TATDN3: variants seen among roughly 807,000 people sequenced by gnomAD.
The protein encoded by TATDN3 is deoxyribonuclease TATDN3.
TATDN3 carries 29 observed loss-of-function variants against 40.1 expected under a neutral mutation model. That is an observed-to-expected ratio of 0.72 (90% CI 0.54 to 0.99). The LOEUF (loss-of-function observed/expected upper bound fraction) is 0.99. Among genes scored for constraint, TATDN3 ranks in the 50% least tolerant of loss-of-function variants. The pLI, the probability that TATDN3 is intolerant of heterozygous loss-of-function variation, is 0.00. For synonymous variants in TATDN3, 105 were observed against 117.0 expected, an observed-to-expected ratio of 0.90 and a Z score of 0.66; for missense variants, 309 against 321.9, an observed-to-expected ratio of 0.96 and a Z score of 0.31.
intron 5 of TATDN3, 103 bp downstream of exon 5, chr1:212,802,866 A>G: frequency 1.3e-6 from 1 of 764,918 alleles, no homozygotes; most frequent in Non-Finnish European, 2.2e-6. Flanking sequence ...TGACTTGTAT[A>G]ATTATGTTCA....
Position 212,815,528 on chromosome 1 carries a change from C to CTTT in TATDN3, c.*384_*386dup. The CTTT allele has an allele frequency of 6.8e-6, 1 of 147,122 alleles. No individual in the cohort carries two copies. Among genetic ancestry groups the CTTT allele is most frequent in the Non-Finnish European group, 1.5e-5 (1 of 67,130 alleles). 9.1% of individuals were successfully genotyped at this position (147,122 alleles called of 1,614,324 possible). On this transcript the variant is annotated 3_prime_UTR_variant, in exon 10 of 10. Transcript: ENST00000366974. Reference sequence around the variant, plus strand: ...TGAGGATGGAGTAAGCTAAAGTATACTTTTTTTTTTTTTTGATGGAGTTTC... The same window carrying CTTT: ...TGAGGATGGAGTAAGCTAAAGTATACTTTTTTTTTTTTTTTTTGATGGAGTTTC...
chr1:212,811,290 G>A (rs12122225), intron 8 of TATDN3, among the ~76,000 whole-genome samples: 162 of 151,948 alleles, frequency 1.1e-3, no homozygotes, highest in African/African-American at 3.7e-3. Context: ...CCACCACTAC[G>A]CCCGGCTAAT....
At chr1:212,802,529 A>G (rs570836353) in intron 4 of TATDN3, among the ~76,000 whole-genome samples, 172 bp from the exon 5 acceptor site, 52 of 152,338 alleles carry the variant, frequency 3.4e-4, no homozygotes, top group African/African-American at 1.1e-3. Context: ...TCAAACTTAC[A>G]GGTAGAGGTA....
At chr1:212,794,306 T>C (rs1283831355) in intron 1 of TATDN3, among the ~76,000 whole-genome samples, 2 of 146,696 alleles carry the variant, frequency 1.4e-5, no homozygotes, top group Non-Finnish European at 3.0e-5. Flanking sequence ...AATTGGGGAC[T>C]CAGGCTGGGT....
chr1:212,795,092 T>C lies in TATDN3; in HGVS notation c.67-3T>C, dbSNP rs377059640. 250 of 1,611,304 alleles carry C rather than the reference T, an allele frequency of 1.6e-4. No individual in the cohort carries two copies. Among genetic ancestry groups the C allele is most frequent in the Non-Finnish European group, 8.3e-5 (98 of 1,177,804 alleles). On this transcript the variant is annotated splice_polypyrimidine_tract_variant and splice_region_variant and intron_variant, in intron 1 of 9. Transcript: ENST00000366974. ...TAATGGTGATTTCTTATGCTTGTTT[T>C]AGGATTTGGATGATGTGTTGGAGAA...
At chr1:212,804,760 C>A in intron 7 of TATDN3, 109 bp downstream of exon 7, 1 of 903,132 alleles carries the variant, frequency 1.1e-6, no homozygotes, top group Non-Finnish European at 1.7e-6. Flanking sequence ...AGGGCAGGGG[C>A]AAGAAGGGGG....
rs945228286 is a variant in TATDN3, at chr1:212,815,074, T to C, written c.743T>C (p.Ile248Thr). The change falls in exon 10 of 10, where the codon ATC becomes ACC. Residue 248 changes from isoleucine (I) to threonine (T), a missense_variant. Coordinates refer to ENST00000366974, the MANE Select transcript of TATDN3 (RefSeq NM_001042552.3). ...SAEYIAQVKG[I>T]SVEEVIEVTT... is the part of the protein sequence containing the mutation. ...GAATATATTGCCCAGGTGAAAGGGA[T>C]CTCAGTGGAAGAAGTTATAGAAGTG... The C allele has an allele frequency of 7.4e-6, 12 of 1,614,096 alleles. No individual in the cohort carries two copies. The highest frequency in any genetic ancestry group is 1.0e-5 in the Non-Finnish European group (12 of 1,180,010).
At chr1:212,801,738 T>C (rs1459723629) in intron 4 of TATDN3, among the ~76,000 whole-genome samples, 2 of 152,222 alleles carry the variant, frequency 1.3e-5, no homozygotes, top group African/African-American at 4.8e-5. Flanking sequence ...TTTTCTGACA[T>C]CTAGGGTCAT....
intron 4 of TATDN3, among the ~76,000 whole-genome samples, chr1:212,798,102 G>A (rs1387584375): frequency 1.3e-5 from 2 of 152,096 alleles, no homozygotes; most frequent in Admixed American, 1.3e-4. Context: ...TGAGGTGGGT[G>A]GATCATGAGG....
intron 7 of TATDN3, among the ~76,000 whole-genome samples, chr1:212,807,188 G>A (rs1215060121): frequency 1.3e-5 from 2 of 150,012 alleles, no homozygotes; most frequent in East Asian, 2.0e-4. Flanking sequence ...TCAGGTGATC[G>A]CCCACCTCGG....
At chr1:212,799,475 T>C (rs923790311) in intron 4 of TATDN3, among the ~76,000 whole-genome samples, 1 of 152,080 alleles carries the variant, frequency 6.6e-6, no homozygotes, top group East Asian at 1.9e-4. Flanking sequence ...GGCATTAATA[T>C]AGAATTGATT....
In TATDN3 at chr1:212,815,213, T is replaced by C. The variant is rs61240905; in HGVS notation, c.*57T>C. On this transcript the variant is annotated 3_prime_UTR_variant, in exon 10 of 10. Transcript: ENST00000366974. ...ACTGCAGGGGGCAGCATTTGAAAAA[T>C]AGAAATGTTCTGATGAAGAATCTGA... is the stretch of plus-strand genomic sequence containing the variant. 1.1e-3 allele frequency: 1,623 copies of C among 1,545,608 alleles called. 17 individuals are homozygous for C. In the African/African-American group the frequency reaches 0.021, roughly 20 times the overall value.
chr1:212,806,747 CATATATATATATATATATATAT>C (rs71495077), intron 7 of TATDN3, among the ~76,000 whole-genome samples: 5 of 43,988 alleles, frequency 1.1e-4, no homozygotes, highest in African/African-American at 2.3e-4. Context: ...TCTCTCTCTC[CATATATATATATATATATATAT>C]ATATATATAT....
Position 212,804,002 on chromosome 1 carries a change from C to T in TATDN3, c.322-318C>T, listed in dbSNP as rs573689035. Among the ~76,000 whole-genome samples, 162 of 152,156 alleles carry T rather than the reference C, an allele frequency of 1.1e-3. 1 individual carries two copies. Among genetic ancestry groups the T allele is most frequent in the South Asian group, 9.3e-3 (45 of 4,830 alleles). Reference sequence around the variant, plus strand: ...AGTGAGCCGAGATCACGCCACTGCACTCCATCCTGGGCAACAGAGCCACAC... The same window carrying T: ...AGTGAGCCGAGATCACGCCACTGCATTCCATCCTGGGCAACAGAGCCACAC... On this transcript the variant is annotated intron_variant, in intron 5 of 9. Coordinates refer to ENST00000366974, the MANE Select transcript of TATDN3 (RefSeq NM_001042552.3).
At chr1:212,796,881 A>T (rs559587932) in intron 3 of TATDN3, 4 of 493,520 alleles carry the variant, frequency 8.1e-6, no homozygotes. Flanking sequence ...GGTCTAAAGC[A>T]TGCACCACCA....
chr1:212,800,846 T>C (rs112620996), intron 4 of TATDN3, among the ~76,000 whole-genome samples: 4 of 152,064 alleles, frequency 2.6e-5, no homozygotes, highest in African/African-American at 9.6e-5. Context: ...TGAATAATTA[T>C]ATAGTAGTAT....
At chr1:212,803,158 A>ATT (rs34876600) in intron 5 of TATDN3, among the ~76,000 whole-genome samples, 82 of 141,808 alleles carry the variant, frequency 5.8e-4, no homozygotes, top group African/African-American at 1.1e-3. Flanking sequence ...ATAATTGTGA[A>ATT]TTTTTTTTTT....
intron 3 of TATDN3, chr1:212,796,853 C>G (rs957855274): frequency 4.2e-6 from 2 of 472,146 alleles, no homozygotes; most frequent in Non-Finnish European, 7.5e-6. Context: ...TTCTCTGCCT[C>G]AGCCTCCCAA....
At position 212,815,107 on chromosome 1, in the gene TATDN3, A is replaced by C; in HGVS notation, c.776A>C (p.Gln259Pro). The C allele has an allele frequency of 5.6e-6, 9 of 1,614,094 alleles. No individual in the cohort carries two copies. The highest frequency in any genetic ancestry group is 1.3e-5 in the African/African-American group (1 of 75,046). Residue 259 changes from glutamine to proline, a missense_variant, in exon 10 of 10, where the codon CAG (glutamine) becomes CCG (proline). Physicochemically the swap from Gln to Pro is moderately conservative, Grantham distance 76. Coordinates refer to ENST00000366974, the MANE Select transcript of TATDN3 (RefSeq NM_001042552.3). ...GAAGAAGTTATAGAAGTGACGACAC[A>C]GAATGCATTAAAACTGTTTCCTAAG... Reference protein sequence around the residue: ...SVEEVIEVTTQNALKLFPKLR... With the variant: ...SVEEVIEVTTPNALKLFPKLR...
Sources: allele counts gnomAD v4.1 joint callset (sites outside exome capture counted in the v4.1 genomes callset), GRCh38; gene constraint gnomAD v4.1.1; transcripts MANE v1.5; gene names NCBI Gene and HGNC (gene_info 2026-07-23, HGNC 2026-07-21).